PATJ: variants seen among roughly 807,000 people sequenced by gnomAD.
PATJ encodes the protein PATJ crumbs cell polarity complex component.
Under a neutral mutation model 224.9 loss-of-function variants are expected in PATJ, and 190 were observed. The observed-to-expected ratio is 0.84, with a 90% CI of 0.75 to 0.95. The LOEUF is 0.95. Among genes scored for constraint, PATJ ranks in the 40% least tolerant of loss-of-function variants. The pLI is 0.00. For missense variants in PATJ, 2,121 were observed against 2,270.3 expected, an observed-to-expected ratio of 0.93 and a Z score of 1.34; for synonymous variants, 769 against 820.3, an observed-to-expected ratio of 0.94 and a Z score of 1.07.
chr1:61,882,217 G>C (rs532584756), intron 21 of PATJ, among the ~76,000 whole-genome samples: 1 of 152,264 alleles, frequency 6.6e-6, no homozygotes, highest in East Asian at 1.9e-4. Flanking sequence ...GAATGTTTGA[G>C]GAGGAGGCCT....
chr1:62,000,141 G>A (rs1373146734), intron 28 of PATJ, among the ~76,000 whole-genome samples: 13 of 151,550 alleles, frequency 8.6e-5, no homozygotes, highest in Middle Eastern at 3.2e-3. Flanking sequence ...CTCCCGCCTC[G>A]GCCTCCCAAC....
intron 33 of PATJ, among the ~76,000 whole-genome samples, chr1:62,099,347 C>CTTTTTTTTTTTTTTT (rs71050197): frequency 2.7e-4 from 15 of 55,676 alleles, no homozygotes; most frequent in African/African-American, 1.0e-3. Context: ...ATATCTCCAA[C>CTTTTTTTTTTTTTTT]TTTTTTTTTT....
intron 9 of PATJ, among the ~76,000 whole-genome samples, chr1:61,793,873 A>G (rs139280681): frequency 6.6e-6 from 1 of 152,144 alleles, no homozygotes; most frequent in African/African-American, 2.4e-5. Flanking sequence ...TTGGCAATGG[A>G]AAGTGATTTA....
intron 17 of PATJ, among the ~76,000 whole-genome samples, chr1:61,852,026 T>C (rs1662889442): frequency 6.7e-6 from 1 of 150,190 alleles, no homozygotes. Flanking sequence ...ATAGAAAAAT[T>C]AGCTGGGAGT....
chr1:61,840,625 A>G (rs1660933936), intron 17 of PATJ, among the ~76,000 whole-genome samples: 1 of 151,860 alleles, frequency 6.6e-6, no homozygotes, highest in South Asian at 2.1e-4. Context: ...TAATGACTAC[A>G]TAGTATTTTT....
At chr1:61,790,298 G>A (rs1287865929) in intron 8 of PATJ, among the ~76,000 whole-genome samples, 1 of 150,070 alleles carries the variant, frequency 6.7e-6, no homozygotes, top group East Asian at 1.9e-4. Flanking sequence ...CTTATGTTTT[G>A]TTTCTAAATT....
intron 33 of PATJ, among the ~76,000 whole-genome samples, chr1:62,085,508 C>G (rs929719659): frequency 6.6e-6 from 1 of 151,990 alleles, no homozygotes; most frequent in African/African-American, 2.4e-5. Flanking sequence ...TAAGTAGGAA[C>G]TGTTGTTATT....
chr1:61,967,136 T>G (rs1367048049), intron 27 of PATJ, among the ~76,000 whole-genome samples: 1 of 152,172 alleles, frequency 6.6e-6, no homozygotes, highest in Admixed American at 6.5e-5. Context: ...CCTCTGACAA[T>G]AGAATTCTAT....
At chr1:61,920,077 G>T (rs1036228030) in intron 26 of PATJ, among the ~76,000 whole-genome samples, 1 of 151,994 alleles carries the variant, frequency 6.6e-6, no homozygotes, top group African/African-American at 2.4e-5. Context: ...ACTAAAATTA[G>T]TCTGTTTTTT....
intron 27 of PATJ, among the ~76,000 whole-genome samples, chr1:61,943,624 G>A (rs1364307719): frequency 6.6e-6 from 1 of 152,172 alleles, no homozygotes. Flanking sequence ...AGCTCAAGGA[G>A]GCCTGCCTGC....
At chr1:61,908,281 T>C in intron 24 of PATJ, 91 bp from the exon 25 acceptor site, 1 of 837,714 alleles carries the variant, frequency 1.2e-6, no homozygotes, top group East Asian at 2.6e-5. Flanking sequence ...CTGGTTGTTC[T>C]TATAACTAGA....
chr1:61,771,750 G>T (rs943118698), intron 6 of PATJ, 124 bp downstream of exon 6: 8 of 701,354 alleles, frequency 1.1e-5, no homozygotes, highest in Non-Finnish European at 1.5e-5. Context: ...ATGGAGTTTC[G>T]CTCTTGTTGC....
At chr1:61,979,646 C>T (rs1185609624) in intron 27 of PATJ, among the ~76,000 whole-genome samples, 2 of 119,364 alleles carry the variant, frequency 1.7e-5, no homozygotes, top group Admixed American at 9.6e-5. Flanking sequence ...AGGGAGACTC[C>T]GTCTCAAAAG....
chr1:61,935,519 G>A (rs746712012), intron 27 of PATJ, among the ~76,000 whole-genome samples: 36 of 152,126 alleles, frequency 2.4e-4, no homozygotes, highest in African/African-American at 5.3e-4. Context: ...GTGGCCAGGC[G>A]TAGTGGCTCA....
chr1:62,075,148 A>C (rs1658084980), intron 31 of PATJ, among the ~76,000 whole-genome samples: 1 of 152,180 alleles, frequency 6.6e-6, no homozygotes, highest in Non-Finnish European at 1.5e-5. Context: ...TGGGAAAGTG[A>C]TTTTAAGTCC....
At chr1:62,130,700 A>C (rs2148953579) in intron 41 of PATJ, among the ~76,000 whole-genome samples, 1 of 152,002 alleles carries the variant, frequency 6.6e-6, no homozygotes, top group South Asian at 2.1e-4. Context: ...AAATACAAAA[A>C]ATTAGCCGGG....
At chr1:61,766,564 A>G in intron 4 of PATJ, 91 bp downstream of exon 4, 2 of 858,768 alleles carry the variant, frequency 2.3e-6, no homozygotes, top group South Asian at 4.0e-5. Context: ...TTTGCTGTAA[A>G]ATGTATTAGT....
chr1:61,795,879 T>A (rs933920611), intron 10 of PATJ, among the ~76,000 whole-genome samples: 1 of 152,180 alleles, frequency 6.6e-6, no homozygotes, highest in Non-Finnish European at 1.5e-5. Flanking sequence ...ACTCACCCAT[T>A]TTATCTATAA....
intron 1 of PATJ, among the ~76,000 whole-genome samples, chr1:61,757,080 CTTTTTTTTT>C (rs55788991): frequency 7.7e-6 from 1 of 129,194 alleles, no homozygotes; most frequent in Admixed American, 8.5e-5. Context: ...GTCACTTTTA[CTTTTTTTTT>C]TTTTTTTTGA....
Sources: allele counts gnomAD v4.1 joint callset (sites outside exome capture counted in the v4.1 genomes callset), GRCh38; gene constraint gnomAD v4.1.1; transcripts MANE v1.5; gene names NCBI Gene and HGNC (gene_info 2026-07-23, HGNC 2026-07-21).